Variants in NSMAF observed in about 807,000 individuals in gnomAD.
NSMAF encodes protein FAN.
A neutral mutation model predicts 134.9 loss-of-function variants in NSMAF; 90 were observed. The observed-to-expected ratio is 0.67, with a 90% CI of 0.56 to 0.79. NSMAF has a LOEUF of 0.79. Among genes scored for constraint, NSMAF ranks in the 30% least tolerant of loss-of-function variants. The pLI, the probability that NSMAF is intolerant of heterozygous loss-of-function variation, is 0.00. For synonymous variants in NSMAF, 358 were observed against 389.6 expected, an observed-to-expected ratio of 0.92 and a Z score of 0.96; for missense variants, 1,010 against 1,119.0, an observed-to-expected ratio of 0.90 and a Z score of 1.39.
intron 1 of NSMAF, among the ~76,000 whole-genome samples, chr8:58,648,268 T>A (rs968963929): frequency 2.0e-5 from 3 of 152,182 alleles, no homozygotes; most frequent in Admixed American, 2.0e-4. Flanking sequence ...TCAGAACTGG[T>A]CTGGCTGCTT....
intron 9 of NSMAF, among the ~76,000 whole-genome samples, chr8:58,610,747 T>G (rs965105397): frequency 2.6e-5 from 4 of 152,200 alleles, no homozygotes; most frequent in Middle Eastern, 6.8e-3. Flanking sequence ...TCCCCAGAGA[T>G]CCAAAAATGC....
Position 58,611,873 on chromosome 8 carries a change from G to C in NSMAF, c.558-2140C>G, listed in dbSNP as rs1176716481. On this transcript the variant is annotated intron_variant, in intron 9 of 30. Coordinates refer to ENST00000038176, the MANE Select transcript of NSMAF (RefSeq NM_003580.4). ...AATAGGACAGAGGAAATGGAGAAGA[G>C]AATGGCTGAGAACTGATGAAAGATA... 3.3e-5 allele frequency among the ~76,000 whole-genome samples: 5 copies of C among 152,142 alleles called. No individual in the cohort carries two copies. The East Asian group carries it at 9.7e-4, about 29-fold the overall frequency.
rs1252245577 is a variant in NSMAF, at chr8:58,607,857, A to C, written c.688-17T>G. 2 of 1,587,488 alleles carry C rather than the reference A, an allele frequency of 1.3e-6. No individual in the cohort carries two copies. The highest frequency in any genetic ancestry group is 3.3e-5 in the Admixed American group (2 of 59,990). ...CACAGGTTTCTTTAAAAGTAGAAAGACAATCTCAAACATTATTGTTCTGAC... is the reference window on the plus strand; with the variant it reads ...CACAGGTTTCTTTAAAAGTAGAAAGCCAATCTCAAACATTATTGTTCTGAC... On this transcript the variant is annotated splice_polypyrimidine_tract_variant and intron_variant, in intron 10 of 30. Coordinates refer to ENST00000038176, the MANE Select transcript of NSMAF (RefSeq NM_003580.4).
At chr8:58,605,652 T>C (rs1806388198) in intron 12 of NSMAF, among the ~76,000 whole-genome samples, 2 of 152,050 alleles carry the variant, frequency 1.3e-5, no homozygotes, top group Admixed American at 1.3e-4. Flanking sequence ...TCTTCTCTTA[T>C]TTCCTATCCC....
At chr8:58,601,153 G>T in intron 16 of NSMAF, 132 bp downstream of exon 16, 1 of 740,522 alleles carries the variant, frequency 1.4e-6, no homozygotes, top group Non-Finnish European at 2.3e-6. Context: ...AGCCTGAGAG[G>T]AATAGATAGA....
intron 22 of NSMAF, chr8:58,594,541 A>G (rs1334613265): frequency 2.2e-6 from 1 of 463,030 alleles, no homozygotes; most frequent in Admixed American, 3.9e-5. Context: ...AATGCTTTAC[A>G]TATTCCTGAC....
At chr8:58,588,504 T>C (rs1805945833) in intron 26 of NSMAF, 2 of 1,194,890 alleles carry the variant, frequency 1.7e-6, no homozygotes, top group Admixed American at 3.4e-5. Context: ...CTTCACGAGA[T>C]CGATTCCTGA....
intron 7 of NSMAF, 62 bp from the exon 8 acceptor site, chr8:58,623,486 T>A: frequency 1.3e-6 from 2 of 1,511,856 alleles, no homozygotes; most frequent in Non-Finnish European, 1.8e-6. Context: ...AGTATTTCTT[T>A]AGAAGCAATG....
chr8:58,595,901 G>A, intron 21 of NSMAF: 1 of 345,950 alleles, frequency 2.9e-6, no homozygotes, highest in Non-Finnish European at 5.5e-6. Context: ...AACAATGTTT[G>A]CAAAGTTTTC....
At chr8:58,641,764 A>G (rs1394734548) in intron 2 of NSMAF, among the ~76,000 whole-genome samples, 1 of 152,250 alleles carries the variant, frequency 6.6e-6, no homozygotes, top group Non-Finnish European at 1.5e-5. Context: ...TCCTAGAAGT[A>G]GCATTGCTAG....
chr8:58,640,486 C>G (rs951694885), intron 2 of NSMAF, among the ~76,000 whole-genome samples: 2 of 152,046 alleles, frequency 1.3e-5, no homozygotes, highest in Non-Finnish European at 2.9e-5. Flanking sequence ...AATACATATA[C>G]ATGCATGTAT....
At chr8:58,640,925 G>T (rs1807320370) in intron 2 of NSMAF, among the ~76,000 whole-genome samples, 1 of 151,750 alleles carries the variant, frequency 6.6e-6, no homozygotes, top group Non-Finnish European at 1.5e-5. Flanking sequence ...TTTATTTATT[G>T]ATTGATTTAT....
At chr8:58,627,059 G>C (rs73250352) in intron 6 of NSMAF, among the ~76,000 whole-genome samples, 5,526 of 152,156 alleles carry the variant, frequency 0.036, 336 homozygotes, top group African/African-American at 0.12. Context: ...GGGATTATTT[G>C]TTTTTTGCTT....
At chr8:58,659,291 T>C in intron 1 of NSMAF, 4 of 1,523,566 alleles carry the variant, frequency 2.6e-6, no homozygotes, top group Non-Finnish European at 3.5e-6. Flanking sequence ...GGACCTGCAC[T>C]GCCGGATAGC....
Position 58,659,626 on chromosome 8 carries a change from C to T in NSMAF, c.6G>A (p.Ala2=), listed in dbSNP as rs766389759. 27 of 1,466,720 alleles carry T rather than the reference C, an allele frequency of 1.8e-5. No individual in the cohort carries two copies. The highest frequency in any genetic ancestry group is 2.3e-5 in the Non-Finnish European group (26 of 1,112,008). 90.9% of individuals were successfully genotyped at this position (1,466,720 alleles called of 1,614,324 possible). Residue 2 remains alanine, a synonymous_variant, in exon 1 of 31, where the codon GCG becomes GCA. Coordinates refer to ENST00000038176, the MANE Select transcript of NSMAF (RefSeq NM_003580.4). M[A]FIRKKQQEQQ... is the part of the protein sequence containing the mutation. Reference sequence around the variant, plus strand: ...GCTCCTGCTGCTTCTTCCGGATAAACGCCATGGAGGGTAGGCGCGGGCGGG... The same window carrying T: ...GCTCCTGCTGCTTCTTCCGGATAAATGCCATGGAGGGTAGGCGCGGGCGGG...
At chr8:58,587,779 C>G in intron 26 of NSMAF, 78 bp from the exon 27 acceptor site, 1 of 1,208,982 alleles carries the variant, frequency 8.3e-7, no homozygotes, top group South Asian at 1.3e-5. Flanking sequence ...AAGAAAAACT[C>G]CTATGCTCAA....
intron 1 of NSMAF, among the ~76,000 whole-genome samples, chr8:58,643,695 C>A (rs2129147420): frequency 6.6e-6 from 1 of 152,212 alleles, no homozygotes; most frequent in Admixed American, 6.5e-5. Flanking sequence ...CCATGCCTGG[C>A]TAATTTTGTA....
chr8:58,621,464 G>A (rs1468942140), intron 9 of NSMAF, among the ~76,000 whole-genome samples: 1 of 152,104 alleles, frequency 6.6e-6, no homozygotes, highest in Non-Finnish European at 1.5e-5. Flanking sequence ...TTTCCATTGG[G>A]TATATACGCA....
At chr8:58,623,092 G>A (rs1302143090) in intron 9 of NSMAF, 128 bp downstream of exon 9, 11 of 710,832 alleles carry the variant, frequency 1.5e-5, no homozygotes, top group Non-Finnish European at 2.7e-5. Flanking sequence ...CTGAGGCTGA[G>A]CCATTCTCTA....
Sources: allele counts gnomAD v4.1 joint callset (sites outside exome capture counted in the v4.1 genomes callset), GRCh38; gene constraint gnomAD v4.1.1; transcripts MANE v1.5; gene names NCBI Gene and HGNC (gene_info 2026-07-23, HGNC 2026-07-21).